The following GAL3ST2 variants were observed in gnomAD, a reference collection of about 807,000 sequenced individuals.
GAL3ST2 encodes galactose-3-O-sulfotransferase 2.
A neutral mutation model predicts 12.9 loss-of-function variants in GAL3ST2; 16 were observed. The ratio of observed to expected loss-of-function variants is 1.24; its 90% CI spans 0.84 to 1.88. GAL3ST2 has a LOEUF of 1.88. Ranked by LOEUF, GAL3ST2 falls within the 40% of genes most tolerant of loss-of-function variation. GAL3ST2 has a pLI of 0.00. For missense variants in GAL3ST2, 639 were observed against 571.8 expected (o/e 1.12, Z -1.20); for synonymous variants, 302 against 273.9 (o/e 1.10, Z -1.01).
chr2:241,788,246 A>T (rs1699651079), intron 1 of GAL3ST2, among the ~76,000 whole-genome samples: 1 of 152,114 alleles, frequency 6.6e-6, no homozygotes, highest in African/African-American at 2.4e-5. Flanking sequence ...GTATTGCATT[A>T]CCTGACCTCT....
chr2:241,778,977 G>T (rs1022880781), intron 1 of GAL3ST2, among the ~76,000 whole-genome samples: 5 of 152,070 alleles, frequency 3.3e-5, no homozygotes, highest in African/African-American at 9.7e-5. Context: ...TGAATACAAT[G>T]GGGGGCAGGT....
At position 241,801,903 on chromosome 2, in the gene GAL3ST2, C is replaced by A. The variant is rs1193409190; in HGVS notation, c.242C>A (p.Ser81Tyr). ...CGCTTCGCCGAGACCCACAACCTGTCCGTGGCGCTGCCCGCCGGCTCACGC... is the reference window on the plus strand; with the variant it reads ...CGCTTCGCCGAGACCCACAACCTGTACGTGGCGCTGCCCGCCGGCTCACGC... ...LYRFAETHNL[S>Y]VALPAGSRVH... The change falls in exon 3 of 4, where the codon TCC (serine) becomes TAC (tyrosine). Residue 81 changes from serine to tyrosine, a missense_variant. Physicochemically the swap from Ser to Tyr is moderately radical, Grantham distance 144. Coordinates refer to ENST00000192314, the MANE Select transcript of GAL3ST2 (RefSeq NM_022134.3). This position sits in a 1 kb window ranked among gnomAD's most constrained non-coding sequence, Gnocchi z 4.4. The A allele has an allele frequency of 6.2e-7, 1 of 1,613,034 alleles. No homozygotes were observed. The highest frequency in any genetic ancestry group is 2.2e-5 in the East Asian group (1 of 44,874).
chr2:241,794,889 G>A (rs1456387033), intron 1 of GAL3ST2, among the ~76,000 whole-genome samples: 1 of 152,192 alleles, frequency 6.6e-6, no homozygotes, highest in Non-Finnish European at 1.5e-5. Flanking sequence ...AAGGTTTTTA[G>A]CAGCTGAACT....
intron 1 of GAL3ST2, among the ~76,000 whole-genome samples, chr2:241,779,030 T>C: frequency 6.6e-6 from 1 of 151,936 alleles, no homozygotes; most frequent in Admixed American, 6.6e-5. Context: ...CTTTAGCTTG[T>C]AGTGATCTGG....
At chr2:241,786,498 GA>G (rs1251345566) in intron 1 of GAL3ST2, among the ~76,000 whole-genome samples, 5 of 152,086 alleles carry the variant, frequency 3.3e-5, no homozygotes, top group Admixed American at 2.6e-4. Context: ...AGGAAAAAAA[GA>G]AAACCTCATC....
At position 241,800,842 on chromosome 2, in the gene GAL3ST2, C is replaced by G. The variant is rs1258518563; in HGVS notation, c.120-939C>G. The G allele has an allele frequency of 6.6e-6, 1 of 152,208 alleles. No individual in the cohort carries two copies. The highest frequency in any genetic ancestry group is 2.4e-5 in the African/African-American group (1 of 41,454). The allele number at this position is 152,208 out of a possible 1,614,324, so 9.4% of individuals were successfully genotyped here. A position where few individuals can be genotyped will look rare whatever the true frequency, so the allele number is the denominator to read the frequency against. ...GCAGGTAGAACATAAATAAGTGCAG[C>G]GTGTGTGACTTCGCCCCTGCCCGGC... On this transcript the variant is annotated intron_variant, in intron 2 of 3. Coordinates refer to ENST00000192314, the MANE Select transcript of GAL3ST2 (RefSeq NM_022134.3). The surrounding 1 kb of genome is among the most constrained non-coding windows in gnomAD (Gnocchi z 5.2).
At chr2:241,788,478 T>G (rs1699654066) in intron 1 of GAL3ST2, among the ~76,000 whole-genome samples, 1 of 152,222 alleles carries the variant, frequency 6.6e-6, no homozygotes, top group South Asian at 2.1e-4. Context: ...TTTATTGCTT[T>G]TCTCCCAACA....
In GAL3ST2 at chr2:241,793,359, T is replaced by C. The variant is rs1559415391; in HGVS notation, c.30-5706T>C. ...ATGTATCTGTATGTATGTGTGTGTA[T>C]TGTGTGTGTATGTATGTATTGTGTA... On this transcript the variant is annotated intron_variant, in intron 1 of 3. Coordinates refer to ENST00000192314, the MANE Select transcript of GAL3ST2 (RefSeq NM_022134.3). This position sits in a 1 kb window ranked among gnomAD's most constrained non-coding sequence, Gnocchi z 4.7. 1.3e-5 allele frequency among the ~76,000 whole-genome samples: 2 copies of C among 151,924 alleles called. No individual in the cohort carries two copies. The highest frequency in any genetic ancestry group is 2.4e-5 in the African/African-American group (1 of 41,362).
Position 241,803,761 on chromosome 2 carries a change from G to T in GAL3ST2, c.792G>T (p.Leu264=), listed in dbSNP as rs1369928360. ...NSRSARSVAR[L]SPETRERARS... Reference sequence around the variant, plus strand: ...GCAGCGCGCGCTCCGTGGCCCGCCTGTCGCCCGAGACCCGGGAGCGCGCGC... The same window carrying T: ...GCAGCGCGCGCTCCGTGGCCCGCCTTTCGCCCGAGACCCGGGAGCGCGCGC... Residue 264 remains leucine (L), a synonymous_variant, in exon 4 of 4, where the codon CTG becomes CTT. Coordinates refer to ENST00000192314, the MANE Select transcript of GAL3ST2 (RefSeq NM_022134.3). The T allele has an allele frequency of 4.0e-6, 6 of 1,517,490 alleles. No individual in the cohort carries two copies. The African/African-American group carries it at 5.8e-5, about 15-fold the overall frequency. 94.0% of individuals were successfully genotyped at this position (1,517,490 alleles called of 1,614,324 possible). A position where few individuals can be genotyped will look rare whatever the true frequency, so the allele number is the denominator to read the frequency against.
chr2:241,794,150 A>G (rs1699741142), intron 1 of GAL3ST2, among the ~76,000 whole-genome samples: 1 of 151,986 alleles, frequency 6.6e-6, no homozygotes, highest in Admixed American at 6.6e-5. Flanking sequence ...GTCTCACTAT[A>G]CCACCTAGGC....
At position 241,793,557 on chromosome 2, in the gene GAL3ST2, ATG is replaced by A. The variant is rs1044155234; in HGVS notation, c.30-5504_30-5503del. Among the ~76,000 whole-genome samples, 1 of 150,840 alleles carries A rather than the reference ATG, an allele frequency of 6.6e-6. No homozygotes were observed. Among genetic ancestry groups the A allele is most frequent in the Non-Finnish European group, 1.5e-5 (1 of 67,804 alleles). ...TATATGTATGTGTGTATATGTATGT[ATG>A]TGTATATGTGTGCGTATATGTGTAT... On this transcript the variant is annotated intron_variant, in intron 1 of 3. Coordinates refer to ENST00000192314, the MANE Select transcript of GAL3ST2 (RefSeq NM_022134.3). The surrounding 1 kb of genome is among the most constrained non-coding windows in gnomAD (Gnocchi z 4.7).
rs188684156 is a variant in GAL3ST2 at position 241,782,756 on chromosome 2, C to T, written c.29+5772C>T. Among the ~76,000 whole-genome samples, 72 of 152,172 alleles carry T rather than the reference C, an allele frequency of 4.7e-4. 1 individual carries two copies. Among genetic ancestry groups the T allele is most frequent in the African/African-American group, 1.6e-3 (67 of 41,428 alleles). ...ATAGCAGGACTTGGTGTCCTTTTTA[C>T]ACCCAGGAGTCAATGTCCTGTAATT... is the stretch of plus-strand genomic sequence containing the variant. On this transcript the variant is annotated intron_variant, in intron 1 of 3. Coordinates refer to ENST00000192314, the MANE Select transcript of GAL3ST2 (RefSeq NM_022134.3).
intron 1 of GAL3ST2, among the ~76,000 whole-genome samples, chr2:241,785,759 C>CT (rs1045237162): frequency 5.3e-5 from 8 of 151,834 alleles, no homozygotes; most frequent in African/African-American, 1.9e-4. Flanking sequence ...CCTCAGTCAA[C>CT]TGAGAAAAAA....
chr2:241,779,379 G>A (rs569610161), intron 1 of GAL3ST2, among the ~76,000 whole-genome samples: 2 of 151,244 alleles, frequency 1.3e-5, no homozygotes, highest in South Asian at 2.1e-4. Flanking sequence ...GACTACAGGC[G>A]CCCGCCACCT....
intron 1 of GAL3ST2, among the ~76,000 whole-genome samples, chr2:241,780,761 G>A (rs1181462643): frequency 6.6e-6 from 1 of 152,184 alleles, no homozygotes; most frequent in African/African-American, 2.4e-5. Flanking sequence ...ACGAATTTGT[G>A]CCATTAAATA....
intron 1 of GAL3ST2, among the ~76,000 whole-genome samples, chr2:241,796,015 T>C (rs566427759): frequency 6.0e-4 from 92 of 152,290 alleles, no homozygotes; most frequent in Non-Finnish European, 1.1e-3. Flanking sequence ...GGCACTGGCA[T>C]TGGAGTCTGA....
rs1183891071 is a variant in GAL3ST2 at position 241,801,768 on chromosome 2, C to T, written c.120-13C>T. 1 of 1,610,068 alleles carries T rather than the reference C, an allele frequency of 6.2e-7. No individual in the cohort carries two copies. Among genetic ancestry groups the T allele is most frequent in the Non-Finnish European group, 8.5e-7 (1 of 1,178,496 alleles). ...GCACCCTTGCTGAAGGCTGCGTGTG[C>T]CTTCCCTCCCAGCCTGTTTGGGGGC... is the stretch of plus-strand genomic sequence containing the variant. On this transcript the variant is annotated splice_polypyrimidine_tract_variant and intron_variant, in intron 2 of 3. Transcript: ENST00000192314. This position sits in a 1 kb window ranked among gnomAD's most constrained non-coding sequence, Gnocchi z 4.4.
rs141344799 is a variant in GAL3ST2, at chr2:241,786,563, G to A, written c.29+9579G>A. 6.8e-3 allele frequency among the ~76,000 whole-genome samples: 1,031 copies of A among 152,252 alleles called. 7 individuals carry two copies. Among genetic ancestry groups the A allele is most frequent in the Middle Eastern group, 0.01 (3 of 294 alleles). ...ATAAAGGAGTTACCTGCCTTCCATC[G>A]TCATGGAAGCAGGAGAACTGGCCCT... On this transcript the variant is annotated intron_variant, in intron 1 of 3. Transcript: ENST00000192314.
chr2:241,791,035 A>G (rs187576189), intron 1 of GAL3ST2, among the ~76,000 whole-genome samples: 42 of 152,272 alleles, frequency 2.8e-4, no homozygotes, highest in African/African-American at 9.1e-4. Context: ...ACCTTTCTCA[A>G]TCAAAACAAT....
Sources: allele counts gnomAD v4.1 joint callset (sites outside exome capture counted in the v4.1 genomes callset), GRCh38; gene constraint gnomAD v4.1.1; non-coding constraint Gnocchi (gnomAD v3.1); transcripts MANE v1.5; gene names NCBI Gene and HGNC (gene_info 2026-07-23, HGNC 2026-07-21).